Variants in TNRC6A observed in about 807,000 individuals in gnomAD.
TNRC6A encodes trinucleotide repeat-containing gene 6A protein.
Under a neutral mutation model 221.2 loss-of-function variants are expected in TNRC6A, and 44 were observed. That is an observed-to-expected ratio of 0.20 (90% CI 0.16 to 0.26). TNRC6A has a LOEUF of 0.26. TNRC6A is among the 10% of genes least tolerant of loss of function. The pLI is 1.00. For missense variants in TNRC6A, 2,199 were observed against 2,404.4 expected (o/e 0.91, Z 1.79); for synonymous variants, 847 against 838.5 (o/e 1.01, Z -0.18).
At position 24,708,263 on chromosome 16, in the gene TNRC6A, C is replaced by G. The variant is rs1317093582; in HGVS notation, n.403-42463C>G. On this transcript the variant is annotated intron_variant and non_coding_transcript_variant, in intron 2 of 2. Coordinates refer to the TNRC6A transcript ENST00000566108. Reference sequence around the variant, plus strand: ...GGATGAGTTTTTTTTTTTTTTGAGACGGAGTCTCGCTCTGTCGCCCAGGCT... The same window carrying G: ...GGATGAGTTTTTTTTTTTTTTGAGAGGGAGTCTCGCTCTGTCGCCCAGGCT... Among the ~76,000 whole-genome samples the G allele has an allele frequency of 2.1e-5, 3 of 142,120 alleles. No individual in the cohort carries two copies. In the South Asian group the frequency reaches 7.1e-4, roughly 34 times the overall value. 93.2% of individuals were successfully genotyped at this position (142,120 alleles called of 152,430 possible). A position where few individuals can be genotyped will look rare whatever the true frequency, so the allele number is the denominator to read the frequency against.
At chr16:24,802,426 CT>C (rs1054236886) in intron 11 of TNRC6A, among the ~76,000 whole-genome samples, 1 of 152,074 alleles carries the variant, frequency 6.6e-6, no homozygotes, top group African/African-American at 2.4e-5. Flanking sequence ...GTACATACCT[CT>C]GGGCCCAGCT....
Position 24,790,233 on chromosome 16 carries a change from G to T in TNRC6A, c.1591G>T (p.Gly531Ter). The T allele has an allele frequency of 6.2e-7, 1 of 1,614,184 alleles. No individual in the cohort carries two copies. The highest frequency in any genetic ancestry group is 1.1e-5 in the South Asian group (1 of 91,080). The stretch of plus-strand genomic sequence containing the variant: ...GGGTGCCTATGGTTCTAATTACTCT[G>T]GAGACAAATGTTCAGGCCCTAATGG... Reference protein sequence around the residue: ...TWGAYGSNYSGDKCSGPNGQA... With the variant: ...TWGAYGSNYS Residue 531 changes from glycine to a stop codon, truncating the protein, a stop_gained, in exon 6 of 25, where the codon GGA becomes TGA. Coordinates refer to ENST00000395799, the MANE Select transcript of TNRC6A (RefSeq NM_014494.4). LOFTEE classifies it high-confidence loss of function.
chr16:24,747,409 C>G (rs980087373), intron 2 of TNRC6A, among the ~76,000 whole-genome samples: 1 of 152,026 alleles, frequency 6.6e-6, no homozygotes, highest in Admixed American at 6.5e-5. Context: ...ATAGAACTTA[C>G]AGATGTGAGG....
chr16:24,659,545 C>G (rs1448515196), intron 2 of TNRC6A, among the ~76,000 whole-genome samples: 1 of 152,162 alleles, frequency 6.6e-6, no homozygotes, highest in East Asian at 1.9e-4. Context: ...TGGGCTCAAG[C>G]AATCCTCCTC....
At chr16:24,729,933 C>T (rs1299712764) in intron 1 of TNRC6A, 87 bp downstream of exon 1, 14 of 1,131,214 alleles carry the variant, frequency 1.2e-5, no homozygotes, top group Non-Finnish European at 1.4e-5. Flanking sequence ...GCAGCAGAGG[C>T]GGCGGCGCCG....
rs780906799 is a variant in TNRC6A, at chr16:24,790,027, C to G, written c.1385C>G (p.Ser462Cys). 21 of 1,614,116 alleles carry G rather than the reference C, an allele frequency of 1.3e-5. No homozygotes were observed. Among genetic ancestry groups the G allele is most frequent in the Non-Finnish European group, 1.7e-5 (20 of 1,180,058 alleles). Residue 462 changes from serine to cysteine, a missense_variant, in exon 6 of 25, where the codon TCT becomes TGT. Ser to Cys is a moderately radical substitution (Grantham distance 112). Transcript: ENST00000395799. ...AATAACACTACTAACTTTATGACCT[C>G]TAGTTTACCAAACTCCGGTTCAGTG... Reference protein sequence around the residue: ...GPNNTTNFMTSSLPNSGSVQN... With the variant: ...GPNNTTNFMTCSLPNSGSVQN...
In TNRC6A at chr16:24,616,990, A is replaced by G. The variant is rs139686036; in HGVS notation, n.276+6506A>G. On this transcript the variant is annotated intron_variant and non_coding_transcript_variant, in intron 1 of 2. Coordinates refer to the TNRC6A transcript ENST00000566108. ...TATATATGTTAGGCCAAACTTGTTA[A>G]TCATATTGTGCAAGTCTTCTGTAAC... Among the ~76,000 whole-genome samples, 16 of 152,120 alleles carry G rather than the reference A, an allele frequency of 1.1e-4. No individual in the cohort carries two copies. In the East Asian group the frequency reaches 3.1e-3, roughly 29 times the overall value.
chr16:24,821,888 C>T lies in TNRC6A; in HGVS notation c.5303-189C>T, dbSNP rs922115686. On this transcript the variant is annotated intron_variant, in intron 22 of 24. Transcript: ENST00000395799. ...GAGCTCACTGTCGCCAGAGGCAGAGCCCCCTGCCATAGGAGTTAATGCCTG... is the reference window on the plus strand; with the variant it reads ...GAGCTCACTGTCGCCAGAGGCAGAGTCCCCTGCCATAGGAGTTAATGCCTG... The T allele has an allele frequency of 3.6e-5, 21 of 588,300 alleles. No individual in the cohort carries two copies. In the Admixed American group the frequency reaches 6.0e-4, roughly 17 times the overall value. 36.4% of individuals were successfully genotyped at this position (588,300 alleles called of 1,614,324 possible).
At chr16:24,623,302 C>T (rs1900782488) in intron 1 of TNRC6A, among the ~76,000 whole-genome samples, 1 of 152,068 alleles carries the variant, frequency 6.6e-6, no homozygotes, top group African/African-American at 2.4e-5. Flanking sequence ...GGGCTCACGC[C>T]ATTCTCCTGC....
intron 2 of TNRC6A, among the ~76,000 whole-genome samples, chr16:24,731,751 T>TA (rs1268738474): frequency 6.6e-6 from 1 of 152,208 alleles, no homozygotes; most frequent in Non-Finnish European, 1.5e-5. Context: ...GTGCCACAGG[T>TA]ATAATTTTAA....
At chr16:24,704,401 C>T (rs1005600863) in intron 2 of TNRC6A, among the ~76,000 whole-genome samples, 5 of 151,744 alleles carry the variant, frequency 3.3e-5, no homozygotes, top group Non-Finnish European at 7.4e-5. Context: ...ACATTAAGGC[C>T]AGGCATGGTG....
chr16:24,782,880 AAG>A (rs903232292), intron 5 of TNRC6A, among the ~76,000 whole-genome samples: 1 of 152,166 alleles, frequency 6.6e-6, no homozygotes, highest in African/African-American at 2.4e-5. Flanking sequence ...TGACAAAAAA[AAG>A]AGTGATTTGA....
intron 1 of TNRC6A, chr16:24,610,489 G>A (rs1899994912): frequency 1.3e-5 from 2 of 152,294 alleles, no homozygotes; most frequent in African/African-American, 4.8e-5. Flanking sequence ...AGCCTGGTAA[G>A]TTACTGCACA....
intron 2 of TNRC6A, among the ~76,000 whole-genome samples, chr16:24,707,711 T>C (rs1437315761): frequency 6.6e-6 from 1 of 152,196 alleles, no homozygotes; most frequent in African/African-American, 2.4e-5. Flanking sequence ...ACCTTACTAG[T>C]GACTAAAGAC....
intron 2 of TNRC6A, among the ~76,000 whole-genome samples, chr16:24,733,925 C>T (rs1392335653): frequency 6.6e-6 from 1 of 152,226 alleles, no homozygotes; most frequent in African/African-American, 2.4e-5. Context: ...CCTGTAATCC[C>T]AGCACTTTGG....
At chr16:24,645,121 C>T (rs906669096) in intron 2 of TNRC6A, among the ~76,000 whole-genome samples, 1 of 152,208 alleles carries the variant, frequency 6.6e-6, no homozygotes, top group Non-Finnish European at 1.5e-5. Context: ...AATCACTTTC[C>T]TGTATTATTC....
At position 24,806,216 on chromosome 16, in the gene TNRC6A, C is replaced by T. The variant is rs142682296; in HGVS notation, c.4262C>T (p.Ala1421Val). Residue 1421 changes from alanine to valine, a missense_variant, in exon 16 of 25, where the codon GCG becomes GTG. Ala to Val is a moderately conservative substitution (Grantham distance 64, BLOSUM62 0). Transcript: ENST00000395799. ...SQISQLQRLL[A>V]QQQRAQSQRS... ...CTATCTTTCCTCTAGCGATTGTTAG[C>T]GCAGCAGCAAAGGGCGCAGAGTCAG... 3 of 1,613,966 alleles carry T rather than the reference C, an allele frequency of 1.9e-6. No individual in the cohort carries two copies. In the African/African-American group the frequency reaches 4.0e-5, roughly 22 times the overall value.
In TNRC6A at chr16:24,729,682, T is replaced by TGTCGGCGGCGGCGGCGGC. The variant is rs2056565575; in HGVS notation, c.-158_-141dup. The TGTCGGCGGCGGCGGCGGC allele has an allele frequency of 4.4e-6, 3 of 677,758 alleles. No individual in the cohort carries two copies. Among genetic ancestry groups the TGTCGGCGGCGGCGGCGGC allele is most frequent in the South Asian group, 9.5e-5 (2 of 21,142 alleles). The allele number at this position is 677,758 out of a possible 1,614,324, so 42.0% of individuals were successfully genotyped here. A position where few individuals can be genotyped will look rare whatever the true frequency, so the allele number is the denominator to read the frequency against. On this transcript the variant is annotated 5_prime_UTR_variant, in exon 1 of 25. Transcript: ENST00000395799. ...GGTCTGGGGCCTGCGGCGGCGGCGG[T>TGTCGGCGGCGGCGGCGGC]GTCGGCGGCGGCGGCGGCGGCGGCG... is the stretch of plus-strand genomic sequence containing the variant.
chr16:24,622,340 C>T (rs1019674321), intron 1 of TNRC6A, among the ~76,000 whole-genome samples: 1 of 152,232 alleles, frequency 6.6e-6, no homozygotes, highest in East Asian at 1.9e-4. Flanking sequence ...GTGGCTCACA[C>T]CTGTAATCGT....
Sources: gnomAD v4.1 joint callset for allele counts (sites outside exome capture counted in the v4.1 genomes callset) on GRCh38, gnomAD v4.1.1 for gene constraint, MANE v1.5 for transcripts, NCBI Gene and HGNC (gene_info 2026-07-23, HGNC 2026-07-21) for gene names.